The following ZFP2 variants were observed in gnomAD, a reference collection of about 807,000 sequenced individuals.
The protein encoded by ZFP2 is ZFP2 zinc finger protein.
A neutral mutation model predicts 36.1 loss-of-function variants in ZFP2; 33 were observed. The observed-to-expected ratio is 0.92, with a 90% CI of 0.69 to 1.22. ZFP2 has a LOEUF of 1.22. Ranked by LOEUF, ZFP2 falls within the 50% of genes most tolerant of loss-of-function variation. The pLI, the probability that ZFP2 is intolerant of heterozygous loss-of-function variation, is 0.00. For synonymous variants in ZFP2, 170 were observed against 178.0 expected (o/e 0.96, Z 0.36); for missense variants, 522 against 551.4 (o/e 0.95, Z 0.53).
intron 1 of ZFP2, among the ~76,000 whole-genome samples, chr5:178,899,642 C>T (rs1000232035): frequency 6.6e-6 from 1 of 151,968 alleles, no homozygotes; most frequent in African/African-American, 2.4e-5. Flanking sequence ...TAAGGGAGTT[C>T]GCACAATCAA....
At position 178,932,567 on chromosome 5, in the gene ZFP2, C is replaced by G. The variant is rs1758872985; in HGVS notation, c.1254C>G (p.Ala418=). 1.9e-6 allele frequency: 3 copies of G among 1,614,000 alleles called. No homozygotes were observed. Among genetic ancestry groups the G allele is most frequent in the Middle Eastern group, 3.3e-4 (2 of 6,062 alleles). Residue 418 remains alanine (A), a synonymous_variant, in exon 5 of 5, where the codon GCC becomes GCG. Coordinates refer to ENST00000361362, the MANE Select transcript of ZFP2 (RefSeq NM_030613.4). ...KPYECDQCGK[A]FIKNSSLTVH... is the part of the protein sequence containing the mutation. ...ATGAATGTGATCAGTGTGGAAAAGC[C>G]TTCATTAAGAATTCATCCCTTACAG... is the stretch of plus-strand genomic sequence containing the variant.
At chr5:178,922,713 A>G (rs1380336261) in intron 4 of ZFP2, 2 of 1,578,680 alleles carry the variant, frequency 1.3e-6, no homozygotes, top group Non-Finnish European at 1.7e-6. Flanking sequence ...TACATACAAG[A>G]ACAATTAACT....
chr5:178,920,509 T>C (rs564214277), intron 4 of ZFP2, among the ~76,000 whole-genome samples: 10 of 151,974 alleles, frequency 6.6e-5, no homozygotes, highest in Non-Finnish European at 1.3e-4. Flanking sequence ...TGGTGGCGTG[T>C]ACCTGTAGTC....
chr5:178,899,777 T>A (rs1034782468), intron 1 of ZFP2, among the ~76,000 whole-genome samples: 17 of 147,870 alleles, frequency 1.1e-4, no homozygotes, highest in African/African-American at 3.7e-4. Flanking sequence ...CCTAACTTCT[T>A]TTTTTTTTTT....
chr5:178,917,129 A>G (rs1758448610), intron 4 of ZFP2, among the ~76,000 whole-genome samples: 1 of 152,232 alleles, frequency 6.6e-6, no homozygotes, highest in Admixed American at 6.5e-5. Context: ...CCTCTCATCA[A>G]TAGCAATTAG....
rs903072614 is a variant in ZFP2 at position 178,905,559 on chromosome 5, G to A, written c.-449-7025G>A. ...TGTATCAAAAAGCCTTTGTTTTTAG[G>A]TTTAAGAAAACCTCTGTATGAGTAA... On this transcript the variant is annotated intron_variant, in intron 1 of 4. Transcript: ENST00000361362. 2.6e-5 allele frequency among the ~76,000 whole-genome samples: 4 copies of A among 152,014 alleles called. No homozygotes were observed. In the East Asian group the frequency reaches 5.8e-4, roughly 22 times the overall value.
chr5:178,906,285 GA>G (rs1256033380), intron 1 of ZFP2, among the ~76,000 whole-genome samples: 6 of 152,062 alleles, frequency 3.9e-5, no homozygotes, highest in Non-Finnish European at 8.8e-5. Flanking sequence ...GTAATTTGTT[GA>G]AAAAAGTGGA....
rs61744382 is a variant in ZFP2 at position 178,931,856 on chromosome 5, C to T, written c.543C>T (p.Thr181=). ...TTACTGTCCATCAACGAACTCACAC[C>T]GGAGAGAAACCCTATCAGTGTAAAG... The part of the protein sequence containing the change: ...MNLTVHQRTH[T]GEKPYQCKEC... Residue 181 remains threonine (T), a synonymous_variant, in exon 5 of 5, where the codon ACC becomes ACT. Transcript: ENST00000361362. The T allele has an allele frequency of 0.088, 141,216 of 1,613,240 alleles. 6,870 individuals are homozygous for T. Among genetic ancestry groups the T allele is most frequent in the Non-Finnish European group, 0.099 (116,940 of 1,179,812 alleles).
chr5:178,927,665 G>T (rs6893821), intron 4 of ZFP2, among the ~76,000 whole-genome samples: 9,111 of 44,756 alleles, frequency 0.2, 431 homozygotes, highest in Non-Finnish European at 0.23. Flanking sequence ...CCTGGCCAAT[G>T]TGTGTGTGTG....
chr5:178,896,055 G>C (rs1475590295), intron 1 of ZFP2, 81 bp downstream of exon 1: 2 of 152,352 alleles, frequency 1.3e-5, no homozygotes, highest in Non-Finnish European at 2.9e-5. Flanking sequence ...GGATTGCGGG[G>C]CGAGGCCCCA....
At chr5:178,902,452 T>C (rs536887387) in intron 1 of ZFP2, among the ~76,000 whole-genome samples, 1 of 152,198 alleles carries the variant, frequency 6.6e-6, no homozygotes, top group Non-Finnish European at 1.5e-5. Context: ...ACATCACACA[T>C]TGTATTTAGC....
intron 4 of ZFP2, among the ~76,000 whole-genome samples, chr5:178,928,647 T>C (rs1758748055): frequency 1.3e-5 from 2 of 152,242 alleles, no homozygotes; most frequent in Admixed American, 1.3e-4. Context: ...TTTGCAGTGT[T>C]CAGTCCCTGC....
chr5:178,931,862 G>A lies in ZFP2; in HGVS notation c.549G>A (p.Glu183=). 8 of 1,612,692 alleles carry A rather than the reference G, an allele frequency of 5.0e-6. No individual in the cohort carries two copies. Among genetic ancestry groups the A allele is most frequent in the Non-Finnish European group, 6.8e-6 (8 of 1,179,004 alleles). ...TCCATCAACGAACTCACACCGGAGA[G>A]AAACCCTATCAGTGTAAAGAGTGTG... ...LTVHQRTHTG[E]KPYQCKECGK... Residue 183 remains glutamate (E), a synonymous_variant, in exon 5 of 5, where the codon GAG becomes GAA. Coordinates refer to ENST00000361362, the MANE Select transcript of ZFP2 (RefSeq NM_030613.4).
chr5:178,906,869 T>C (rs1320486566), intron 1 of ZFP2, among the ~76,000 whole-genome samples: 1 of 48,186 alleles, frequency 2.1e-5, no homozygotes, highest in African/African-American at 1.1e-4. Flanking sequence ...AGTTTTTGTC[T>C]TTTTTTTTTT....
At chr5:178,915,619 G>GTT (rs10625590) in intron 3 of ZFP2, 53,123 of 148,356 alleles carry the variant, frequency 0.36, 9,545 homozygotes, top group East Asian at 0.49. Context: ...CAGCTCACTT[G>GTT]TTTTTTTTTT....
intron 1 of ZFP2, among the ~76,000 whole-genome samples, 169 bp downstream of exon 1, chr5:178,896,143 C>T (rs533258407): frequency 9.3e-4 from 141 of 152,306 alleles, no homozygotes; most frequent in African/African-American, 3.2e-3. Flanking sequence ...GAGCGCCGGG[C>T]CTCCGGCTCC....
At chr5:178,913,811 T>C (rs560939117) in intron 3 of ZFP2, 1 of 152,146 alleles carries the variant, frequency 6.6e-6, no homozygotes, top group Admixed American at 6.5e-5. Context: ...TTTTACATCT[T>C]TATCTTCTCT....
intron 1 of ZFP2, among the ~76,000 whole-genome samples, 182 bp downstream of exon 1, chr5:178,896,156 G>C (rs1486145456): frequency 1.3e-5 from 2 of 152,202 alleles, no homozygotes; most frequent in African/African-American, 4.8e-5. Context: ...CCGGCTCCAG[G>C]TGCGCTCCCT....
chr5:178,930,812 C>T (rs969711470), intron 4 of ZFP2, among the ~76,000 whole-genome samples: 3 of 152,064 alleles, frequency 2.0e-5, no homozygotes, highest in African/African-American at 4.8e-5. Flanking sequence ...TAGGTGGCCT[C>T]GTAGGAGGAA....
Sources: gnomAD v4.1 joint callset for allele counts (sites outside exome capture counted in the v4.1 genomes callset) on GRCh38, gnomAD v4.1.1 for gene constraint, MANE v1.5 for transcripts, NCBI Gene and HGNC (gene_info 2026-07-23, HGNC 2026-07-21) for gene names.